The following TTC9C variants were observed in gnomAD, a reference collection of about 807,000 sequenced individuals.
TTC9C encodes the protein tetratricopeptide repeat domain 9C.
A neutral mutation model predicts 22.5 loss-of-function variants in TTC9C; 15 were observed. The observed-to-expected ratio is 0.67, with a 90% CI of 0.45 to 1.03. TTC9C has a LOEUF of 1.03. Ranked by LOEUF, TTC9C falls within the 50% of genes least tolerant of loss-of-function variation. TTC9C has a pLI of 0.00. For synonymous variants in TTC9C, 92 were observed against 86.8 expected (o/e 1.06, Z -0.33); for missense variants, 244 against 214.6 (o/e 1.14, Z -0.86).
At chr11:62,728,471 A>C, upstream of TTC9C, 1 of 470,270 alleles carries the variant, frequency 2.1e-6, no homozygotes. Context: ...CGGGTCCAAT[A>C]GAAAGGCGGA....
At chr11:62,737,570 C>G (rs2083926436) in intron 2 of TTC9C, among the ~76,000 whole-genome samples, 1 of 152,094 alleles carries the variant, frequency 6.6e-6, no homozygotes, top group Non-Finnish European at 1.5e-5. Flanking sequence ...AAAATCTCAT[C>G]TAAATGAATG....
rs760166766 is a variant in TTC9C at position 62,735,540 on chromosome 11, G to A, written c.397G>A (p.Ala133Thr). The change falls in exon 2 of 3, where the codon GCT (alanine) becomes ACT (threonine). Residue 133 changes from alanine to threonine, a missense_variant. Coordinates refer to ENST00000316461, the MANE Select transcript of TTC9C (RefSeq NM_173810.4). ...TGACCAGGCCCGCCACTACCTCCTG[G>A]CTGCCGTGAATAGGCAGCCTAAAGG... is the stretch of plus-strand genomic sequence containing the variant. ...DYDQARHYLL[A>T]AVNRQPKDAN... is the part of the protein sequence containing the mutation. The A allele has an allele frequency of 7.4e-6, 12 of 1,613,530 alleles. No homozygotes were observed. Among genetic ancestry groups the A allele is most frequent in the Non-Finnish European group, 1.0e-5 (12 of 1,179,582 alleles).
intron 2 of TTC9C, among the ~76,000 whole-genome samples, chr11:62,736,873 G>A (rs1454150065): frequency 6.6e-6 from 1 of 151,016 alleles, no homozygotes; most frequent in Non-Finnish European, 1.5e-5. Flanking sequence ...AAAAGCGAGT[G>A]TCGTTTTTCA....
At chr11:62,731,070 G>A (rs931234760) in intron 1 of TTC9C, among the ~76,000 whole-genome samples, 1 of 151,354 alleles carries the variant, frequency 6.6e-6, no homozygotes, top group African/African-American at 2.4e-5. Context: ...GGTATTTTTA[G>A]TAGAGACGGG....
chr11:62,737,363 T>C (rs1276459920), intron 2 of TTC9C, among the ~76,000 whole-genome samples: 1 of 152,170 alleles, frequency 6.6e-6, no homozygotes, highest in East Asian at 1.9e-4. Context: ...AGGTATGACC[T>C]AGAAAAAGGG....
upstream of TTC9C, chr11:62,728,247 G>T: frequency 3.0e-6 from 1 of 337,920 alleles, no homozygotes; most frequent in Admixed American, 4.3e-5. Context: ...TCTGCAGAGG[G>T]CGAGGAACTG....
At chr11:62,732,585 C>G (rs1166754906) in intron 1 of TTC9C, among the ~76,000 whole-genome samples, 1 of 144,542 alleles carries the variant, frequency 6.9e-6, no homozygotes, top group Non-Finnish European at 1.5e-5. Context: ...ACACTCCAGC[C>G]TGGGCAACAA....
At position 62,735,355 on chromosome 11, in the gene TTC9C, CTT is replaced by C. The variant is rs779594814; in HGVS notation, c.239-26_239-25del. 3 of 1,610,996 alleles carry C rather than the reference CTT, an allele frequency of 1.9e-6. No individual in the cohort carries two copies. The African/African-American group carries it at 4.0e-5, about 22-fold the overall frequency. ...CTGGTGTAACGAGCCCCTCCTACCT[CTT>C]CTCTCTTTTCATTTGGCCCATTAGC... On this transcript the variant is annotated intron_variant, in intron 1 of 2. Transcript: ENST00000316461.
chr11:62,729,134 T>G (rs908061123), intron 1 of TTC9C, 48 bp downstream of exon 1: 12 of 1,481,764 alleles, frequency 8.1e-6, no homozygotes, highest in Middle Eastern at 1.8e-4. Context: ...GACAGGAACA[T>G]GAACATCTGT....
chr11:62,728,809 C>A lies in TTC9C; in HGVS notation c.-40C>A. ...TCCCAACCCCAGAGCTTCACTTGCT[C>A]CTTCACTTCCCAGTTCCGCAAGAAC... On this transcript the variant is annotated 5_prime_UTR_variant, in exon 1 of 3. Transcript: ENST00000316461. 1 of 1,604,098 alleles carries A rather than the reference C, an allele frequency of 6.2e-7. No individual in the cohort carries two copies. Among genetic ancestry groups the A allele is most frequent in the Middle Eastern group, 1.7e-4 (1 of 6,042 alleles).
chr11:62,730,026 G>T (rs2083829205), intron 1 of TTC9C, among the ~76,000 whole-genome samples: 1 of 152,188 alleles, frequency 6.6e-6, no homozygotes, highest in Non-Finnish European at 1.5e-5. Context: ...TTAGCTGCTA[G>T]TTTAGATCCC....
rs766467074 is a variant in TTC9C at position 62,728,834 on chromosome 11, C to T, written c.-15C>T. 21 of 1,613,424 alleles carry T rather than the reference C, an allele frequency of 1.3e-5. No homozygotes were observed. In the South Asian group the frequency reaches 1.9e-4, roughly 14 times the overall value. The stretch of plus-strand genomic sequence containing the variant: ...CCTTCACTTCCCAGTTCCGCAAGAA[C>T]CGTGGGCGACAGTTATGGAGAAGCG... On this transcript the variant is annotated 5_prime_UTR_variant, in exon 1 of 3. Transcript: ENST00000316461.
In TTC9C at chr11:62,728,616, A is replaced by T; in HGVS notation, c.-233A>T. 1 of 658,376 alleles carries T rather than the reference A, an allele frequency of 1.5e-6. No homozygotes were observed. Among genetic ancestry groups the T allele is most frequent in the South Asian group, 1.5e-5 (1 of 66,374 alleles). The allele number at this position is 658,376 out of a possible 1,614,324, so 40.8% of individuals were successfully genotyped here. ...TAATGTTGGGCTTCATTATTCCCAC[A>T]TCCCTTTCCTTACTACTTGCCTGCA... On this transcript the variant is annotated 5_prime_UTR_variant, in exon 1 of 3. Transcript: ENST00000316461.
In TTC9C at chr11:62,728,714, G is replaced by A. The variant is rs80050930; in HGVS notation, c.-135G>A. 3.5e-6 allele frequency: 3 copies of A among 846,164 alleles called. No homozygotes were observed. The highest frequency in any genetic ancestry group is 3.9e-6 in the Non-Finnish European group (2 of 511,914). 52.4% of individuals were successfully genotyped at this position (846,164 alleles called of 1,614,324 possible). A position where few individuals can be genotyped will look rare whatever the true frequency, so the allele number is the denominator to read the frequency against. On this transcript the variant is annotated 5_prime_UTR_variant, in exon 1 of 3. Transcript: ENST00000316461. ...AAACAAGCAAACCGCAGGTCCCTGTGGGGGGACTCTCCAGGAAGAAGGGTA... is the reference window on the plus strand; with the variant it reads ...AAACAAGCAAACCGCAGGTCCCTGTAGGGGGACTCTCCAGGAAGAAGGGTA...
chr11:62,735,788 G>C, intron 2 of TTC9C: 1 of 633,826 alleles, frequency 1.6e-6, no homozygotes, highest in Non-Finnish European at 2.4e-6. Flanking sequence ...ATGTGTAGGG[G>C]GTTGATGCTT....
At chr11:62,730,962 C>T (rs1040595268) in intron 1 of TTC9C, among the ~76,000 whole-genome samples, 4 of 151,916 alleles carry the variant, frequency 2.6e-5, no homozygotes, top group Admixed American at 6.6e-5. Flanking sequence ...GATCTCAGCT[C>T]ACTGCAACCT....
intron 1 of TTC9C, among the ~76,000 whole-genome samples, chr11:62,732,722 C>G (rs901238637): frequency 2.0e-5 from 3 of 152,080 alleles, no homozygotes; most frequent in African/African-American, 7.2e-5. Context: ...AGATGGAGAC[C>G]ATCCTGGCTG....
intron 2 of TTC9C, 48 bp from the exon 3 acceptor site, chr11:62,738,240 C>T: frequency 8.1e-7 from 1 of 1,238,642 alleles, no homozygotes; most frequent in Non-Finnish European, 1.2e-6. Flanking sequence ...TGATTATGGT[C>T]TTAACTGACT....
At chr11:62,734,987 C>G (rs1441041741) in intron 1 of TTC9C, among the ~76,000 whole-genome samples, 4 of 152,216 alleles carry the variant, frequency 2.6e-5, no homozygotes, top group Non-Finnish European at 4.4e-5. Context: ...ACCTCCGTCT[C>G]CCAGGTCCAA....
Sources: gnomAD v4.1 joint callset for allele counts (sites outside exome capture counted in the v4.1 genomes callset) on GRCh38, gnomAD v4.1.1 for gene constraint, MANE v1.5 for transcripts, NCBI Gene and HGNC (gene_info 2026-07-23, HGNC 2026-07-21) for gene names.